PDE8A: variants seen among roughly 807,000 people sequenced by gnomAD.
The protein encoded by PDE8A is phosphodiesterase 8A, also known as high affinity cAMP-specific and IBMX-insensitive 3',5'-cyclic phosphodiesterase 8A.
A neutral mutation model predicts 105.0 loss-of-function variants in PDE8A; 59 were observed. The ratio of observed to expected loss-of-function variants is 0.56; its 90% CI spans 0.46 to 0.70. The LOEUF (loss-of-function observed/expected upper bound fraction) is 0.70. Ranked by LOEUF, PDE8A falls within the 30% of genes least tolerant of loss-of-function variation. The pLI is 0.00. For synonymous variants in PDE8A, 355 were observed against 371.9 expected (o/e 0.95, Z 0.52); for missense variants, 1,014 against 1,045.9 (o/e 0.97, Z 0.42).
chr15:85,110,469 C>T (rs989637156), intron 12 of PDE8A, among the ~76,000 whole-genome samples: 1 of 152,138 alleles, frequency 6.6e-6, no homozygotes, highest in Non-Finnish European at 1.5e-5. Context: ...CATTATTAAC[C>T]ATGCAGAAGC....
Position 85,122,928 on chromosome 15 carries a change from G to A in PDE8A, c.1953-133G>A, listed in dbSNP as rs562689522. The A allele has an allele frequency of 1.5e-4, 129 of 875,862 alleles. No homozygotes were observed. The Admixed American group carries it at 2.8e-3, about 19-fold the overall frequency. The allele number at this position is 875,862 out of a possible 1,614,324, so 54.3% of individuals were successfully genotyped here. On this transcript the variant is annotated intron_variant, in intron 18 of 21. Coordinates refer to ENST00000394553, the MANE Select transcript of PDE8A (RefSeq NM_002605.3). Reference sequence around the variant, plus strand: ...TAACTTCCATGTCTTTTTAAAATGTGCCTTGTGGCTTTCAGTGGCATTAGA... The same window carrying A: ...TAACTTCCATGTCTTTTTAAAATGTACCTTGTGGCTTTCAGTGGCATTAGA...
intron 17 of PDE8A, among the ~76,000 whole-genome samples, chr15:85,119,060 A>G (rs1242562123): frequency 6.6e-6 from 1 of 152,230 alleles, no homozygotes; most frequent in Non-Finnish European, 1.5e-5. Context: ...AAGTAACAAC[A>G]GAGGGACATC....
chr15:85,082,135 C>G (rs1009665240), intron 5 of PDE8A, among the ~76,000 whole-genome samples: 1 of 152,076 alleles, frequency 6.6e-6, no homozygotes, highest in African/African-American at 2.4e-5. Context: ...TTTGGGTGTT[C>G]CCATGGGGTC....
At chr15:85,007,405 C>T (rs1393158670) in intron 1 of PDE8A, among the ~76,000 whole-genome samples, 1 of 150,260 alleles carries the variant, frequency 6.7e-6, no homozygotes, top group East Asian at 2.0e-4. Flanking sequence ...GGAGGGGACA[C>T]AGGGCGGCTT....
chr15:85,031,008 C>T (rs771535628), intron 1 of PDE8A, among the ~76,000 whole-genome samples: 2 of 152,128 alleles, frequency 1.3e-5, no homozygotes, highest in South Asian at 2.1e-4. Flanking sequence ...ACTCAGTATA[C>T]GTTTAGCGCA....
At chr15:85,069,280 G>C (rs918679450) in intron 3 of PDE8A, among the ~76,000 whole-genome samples, 3 of 152,226 alleles carry the variant, frequency 2.0e-5, no homozygotes, top group African/African-American at 4.8e-5. Flanking sequence ...GAGAATGTCA[G>C]ATGTGCCTCT....
In PDE8A at chr15:85,123,050, A is replaced by T. The variant is rs1161099538; in HGVS notation, c.1953-11A>T. On this transcript the variant is annotated splice_polypyrimidine_tract_variant and intron_variant, in intron 18 of 21. Transcript: ENST00000394553. Reference sequence around the variant, plus strand: ...AATTTGTAGCAGCCTCTAATTTGTCATCGAAAACAGGAATGATTATCGGAC... The same window carrying T: ...AATTTGTAGCAGCCTCTAATTTGTCTTCGAAAACAGGAATGATTATCGGAC... 3.7e-6 allele frequency: 6 copies of T among 1,612,962 alleles called. No homozygotes were observed. Among genetic ancestry groups the T allele is most frequent in the Non-Finnish European group, 5.1e-6 (6 of 1,179,148 alleles).
chr15:85,028,367 G>A (rs369293267), intron 1 of PDE8A, among the ~76,000 whole-genome samples: 29 of 151,954 alleles, frequency 1.9e-4, no homozygotes, highest in East Asian at 9.7e-4. Flanking sequence ...GGTGTGTGCC[G>A]GCACAACTGG....
At chr15:85,067,730 G>A (rs1356067651) in intron 3 of PDE8A, among the ~76,000 whole-genome samples, 1 of 152,118 alleles carries the variant, frequency 6.6e-6, no homozygotes, top group Non-Finnish European at 1.5e-5. Flanking sequence ...TTAAAATCTT[G>A]ACTTTTAAGA....
intron 5 of PDE8A, among the ~76,000 whole-genome samples, chr15:85,082,159 G>A (rs1335511642): frequency 6.6e-6 from 1 of 152,154 alleles, no homozygotes; most frequent in Non-Finnish European, 1.5e-5. Flanking sequence ...GCTGATGGAG[G>A]TGTGGACAGC....
At chr15:84,980,698 GC>G (rs2142125827), upstream of PDE8A, 1 of 152,520 alleles carries the variant, frequency 6.6e-6, no homozygotes, top group South Asian at 2.1e-4. Context: ...TAAGTGACTG[GC>G]CCAGTTCACA....
rs2081637243 is a variant in PDE8A at position 85,091,192 on chromosome 15, G to A, written c.852+11G>A. The A allele has an allele frequency of 6.3e-7, 1 of 1,585,026 alleles. No individual in the cohort carries two copies. The highest frequency in any genetic ancestry group is 1.1e-5 in the South Asian group (1 of 87,436). On this transcript the variant is annotated intron_variant, in intron 8 of 21. Transcript: ENST00000394553. ...ATCAGGATAGGCAAGGTAAGTAAGA[G>A]GTCAGTGCCTTTTTTAACTTTCACA...
chr15:85,102,300 C>G (rs2141569750), intron 11 of PDE8A, among the ~76,000 whole-genome samples: 1 of 152,202 alleles, frequency 6.6e-6, no homozygotes, highest in East Asian at 1.9e-4. Flanking sequence ...CTGAAGCACA[C>G]ATAGGGAGGG....
intron 1 of PDE8A, among the ~76,000 whole-genome samples, chr15:85,023,784 T>C (rs68105649): frequency 0.086 from 13,153 of 152,088 alleles, 1,565 homozygotes; most frequent in African/African-American, 0.27. Flanking sequence ...ACCACCAGGT[T>C]GATGGGAGGA....
chr15:85,122,212 T>C (rs1215199898), intron 18 of PDE8A, among the ~76,000 whole-genome samples: 2 of 152,168 alleles, frequency 1.3e-5, no homozygotes, highest in Admixed American at 6.5e-5. Context: ...TTTTAATGAT[T>C]TGTGTAATGT....
intron 7 of PDE8A, among the ~76,000 whole-genome samples, chr15:85,089,767 G>T (rs1221037293): frequency 1.1e-4 from 17 of 152,166 alleles, no homozygotes; most frequent in Admixed American, 1.1e-3. Context: ...CTGACCATAG[G>T]TCTGCAAGTA....
At chr15:85,032,508 C>A (rs1309344188) in intron 1 of PDE8A, among the ~76,000 whole-genome samples, 2 of 152,132 alleles carry the variant, frequency 1.3e-5, no homozygotes, top group African/African-American at 2.4e-5. Flanking sequence ...TTCTAAAAGT[C>A]TGTGGAATAA....
chr15:85,116,784 T>C (rs1027418914), intron 16 of PDE8A, among the ~76,000 whole-genome samples: 7 of 152,196 alleles, frequency 4.6e-5, no homozygotes, highest in African/African-American at 1.7e-4. Flanking sequence ...GGGTGACCTG[T>C]CCCCAAGATA....
chr15:84,985,556 C>G (rs1025962687), intron 1 of PDE8A, among the ~76,000 whole-genome samples: 8 of 152,154 alleles, frequency 5.3e-5, no homozygotes, highest in African/African-American at 1.9e-4. Context: ...GTTAGAGACC[C>G]TATGCTCACC....
Sources: allele counts gnomAD v4.1 joint callset (sites outside exome capture counted in the v4.1 genomes callset), GRCh38; gene constraint gnomAD v4.1.1; transcripts MANE v1.5; gene names NCBI Gene and HGNC (gene_info 2026-07-23, HGNC 2026-07-21).